TNNI3K: variants seen among roughly 807,000 people sequenced by gnomAD.
The protein encoded by TNNI3K is TNNI3 interacting kinase.
In TNNI3K, 140 loss-of-function variants were observed where a neutral mutation model predicts 114.5. That is an observed-to-expected ratio of 1.22 (90% CI 1.07 to 1.41). The LOEUF is 1.41. TNNI3K is among the 40% of genes most tolerant of loss of function. TNNI3K has a pLI of 0.00. For synonymous variants in TNNI3K, 347 were observed against 347.5 expected, an observed-to-expected ratio of 1.00 and a Z score of 0.02; for missense variants, 1,125 against 1,007.6, an observed-to-expected ratio of 1.12 and a Z score of -1.58.
intron 11 of TNNI3K, among the ~76,000 whole-genome samples, chr1:74,359,308 G>A (rs1038761769): frequency 6.6e-6 from 1 of 151,950 alleles, no homozygotes; most frequent in Non-Finnish European, 1.5e-5. Flanking sequence ...TAAGAATGGC[G>A]GCAGCTCTTA....
At chr1:74,380,985 T>C (rs933452092) in intron 17 of TNNI3K, among the ~76,000 whole-genome samples, 3 of 152,162 alleles carry the variant, frequency 2.0e-5, no homozygotes, top group East Asian at 3.9e-4. Context: ...TTGTTTCTAA[T>C]TGAATTTCCA....
At chr1:74,451,687 C>CT (rs59304469) in intron 20 of TNNI3K, among the ~76,000 whole-genome samples, 3,988 of 25,614 alleles carry the variant, frequency 0.16, 339 homozygotes, top group Middle Eastern at 0.29. Flanking sequence ...CTTTTCTTTT[C>CT]TTTCTTTCTT....
At chr1:74,292,651 C>A (rs1011129589) in intron 5 of TNNI3K, among the ~76,000 whole-genome samples, 4 of 151,466 alleles carry the variant, frequency 2.6e-5, no homozygotes, top group African/African-American at 9.7e-5. Context: ...TCCCTTTATT[C>A]TTGAAGTGAA....
chr1:74,541,384 A>G (rs3911351), intron 24 of TNNI3K, among the ~76,000 whole-genome samples: 144,592 of 152,300 alleles, frequency 0.95, 68,682 homozygotes, highest in Middle Eastern at 0.97. Flanking sequence ...CCCAATACAT[A>G]TCTAGAATGC....
chr1:74,378,608 A>ATATATATG (rs1663032968), intron 17 of TNNI3K: 1 of 66,276 alleles, frequency 1.5e-5, no homozygotes, highest in African/African-American at 6.5e-5. Context: ...ATATATATAT[A>ATATATATG]TATATATATA....
intron 13 of TNNI3K, 108 bp from the exon 14 acceptor site, chr1:74,368,914 A>G (rs1662432664): frequency 1.0e-6 from 1 of 957,710 alleles, no homozygotes; most frequent in Admixed American, 3.4e-5. Flanking sequence ...TAAAAATTAA[A>G]TGTTATTAGG....
At chr1:74,288,163 A>G (rs1657448220) in intron 5 of TNNI3K, among the ~76,000 whole-genome samples, 1 of 152,170 alleles carries the variant, frequency 6.6e-6, no homozygotes, top group South Asian at 2.1e-4. Context: ...GATTCCTCAA[A>G]AAATTCAAAA....
chr1:74,505,436 G>A (rs1199607136), intron 23 of TNNI3K, among the ~76,000 whole-genome samples: 2 of 152,212 alleles, frequency 1.3e-5, no homozygotes, highest in African/African-American at 4.8e-5. Context: ...TAAGAAGTGG[G>A]TGATGCTGGT....
chr1:74,446,991 T>C (rs572154558), intron 20 of TNNI3K, among the ~76,000 whole-genome samples: 1 of 99,224 alleles, frequency 1.0e-5, no homozygotes, highest in Non-Finnish European at 2.0e-5. Flanking sequence ...TCCAGCTTTG[T>C]TCTTTTGGCT....
At chr1:74,236,984 G>A (rs1451019154) in intron 2 of TNNI3K, among the ~76,000 whole-genome samples, 1 of 151,800 alleles carries the variant, frequency 6.6e-6, no homozygotes. Context: ...TGCACTCATG[G>A]CAAAGAACTC....
At chr1:74,350,858 G>T (rs1440688160) in intron 9 of TNNI3K, among the ~76,000 whole-genome samples, 5 of 152,000 alleles carry the variant, frequency 3.3e-5, no homozygotes, top group African/African-American at 9.7e-5. Flanking sequence ...GCCTATGTGT[G>T]TCTCTGCACG....
intron 4 of TNNI3K, among the ~76,000 whole-genome samples, chr1:74,263,927 C>T (rs189782867): frequency 9.5e-4 from 145 of 151,926 alleles, no homozygotes; most frequent in East Asian, 8.1e-3. Context: ...TTTACTTCCC[C>T]CGCCCCACTG....
chr1:74,437,181 C>G (rs1666173526), intron 19 of TNNI3K, among the ~76,000 whole-genome samples: 1 of 152,014 alleles, frequency 6.6e-6, no homozygotes, highest in African/African-American at 2.4e-5. Context: ...GTCACCTTTT[C>G]TGGATGTCTC....
chr1:74,467,779 G>A (rs1361088954), intron 21 of TNNI3K, among the ~76,000 whole-genome samples: 1 of 152,092 alleles, frequency 6.6e-6, no homozygotes, highest in Admixed American at 6.5e-5. Context: ...GATTACCCTG[G>A]AAAGTTTGTT....
At chr1:74,286,521 G>A (rs568445255) in intron 5 of TNNI3K, among the ~76,000 whole-genome samples, 3 of 152,166 alleles carry the variant, frequency 2.0e-5, no homozygotes, top group Middle Eastern at 3.4e-3. Context: ...ACTCAGGTAC[G>A]AGGCTCATTC....
chr1:74,251,281 A>G (rs1257869264), intron 4 of TNNI3K, among the ~76,000 whole-genome samples: 1 of 152,226 alleles, frequency 6.6e-6, no homozygotes, highest in Non-Finnish European at 1.5e-5. Flanking sequence ...ATAGAATAAT[A>G]AATATAATAG....
intron 23 of TNNI3K, among the ~76,000 whole-genome samples, chr1:74,520,646 TA>T (rs1382278043): frequency 1.3e-5 from 2 of 152,072 alleles, no homozygotes; most frequent in African/African-American, 4.8e-5. Context: ...AATCCTTCTT[TA>T]AATATTAACT....
At chr1:74,471,730 T>C (rs1667941056) in intron 21 of TNNI3K, 1 of 402,984 alleles carries the variant, frequency 2.5e-6, no homozygotes, top group South Asian at 1.2e-4. Context: ...GGAATATGCT[T>C]TCTTGGTTTT....
At chr1:74,278,307 TACTGAACATATTAATTG>T (rs1656804960) in intron 5 of TNNI3K, among the ~76,000 whole-genome samples, 1 of 152,188 alleles carries the variant, frequency 6.6e-6, no homozygotes, top group South Asian at 2.1e-4. Flanking sequence ...GATAACTTTG[TACTGAACATATTAATTG>T]ACTTGATCCT....
Sources: allele counts gnomAD v4.1 joint callset (sites outside exome capture counted in the v4.1 genomes callset), GRCh38; gene constraint gnomAD v4.1.1; transcripts MANE v1.5; gene names NCBI Gene and HGNC (gene_info 2026-07-23, HGNC 2026-07-21).